Variants in RTN1 observed in about 807,000 individuals in gnomAD.
RTN1 encodes the protein reticulon 1, also known as reticulon-1.
In RTN1, 25 loss-of-function variants were observed where a neutral mutation model predicts 65.5. The observed-to-expected ratio is 0.38, with a 90% confidence interval of 0.28 to 0.53. RTN1 has a LOEUF of 0.53. Among genes scored for constraint, RTN1 ranks in the 20% least tolerant of loss-of-function variants. RTN1 has a pLI of 0.79. For missense variants in RTN1, 983 were observed against 1,025.4 expected, an observed-to-expected ratio of 0.96 and a Z score of 0.57; for synonymous variants, 471 against 447.6, an observed-to-expected ratio of 1.05 and a Z score of -0.66.
chr14:59,750,093 ATT>A (rs1566713077), intron 1 of RTN1, among the ~76,000 whole-genome samples: 2 of 57,602 alleles, frequency 3.5e-5, no homozygotes, highest in South Asian at 3.8e-4. Context: ...AGACATATAT[ATT>A]ATATATTATA....
At position 59,870,661 on chromosome 14, in the gene RTN1, G is replaced by A. The variant is rs771558896; in HGVS notation, c.-31C>T. On this transcript the variant is annotated 5_prime_UTR_variant, in exon 1 of 9. Transcript: ENST00000267484. The surrounding 1 kb of genome is among the most constrained non-coding windows in gnomAD (Gnocchi z 5.1). Reference sequence around the variant, plus strand: ...GCGGTCCCCCGGCGCGGCGACGGCGGCTTGGCTGGGCAGAGGCTCGGTGGC... The same window carrying A: ...GCGGTCCCCCGGCGCGGCGACGGCGACTTGGCTGGGCAGAGGCTCGGTGGC... 2.9e-5 allele frequency: 39 copies of A among 1,347,770 alleles called. 1 individual carries two copies. The East Asian group carries it at 6.6e-4, about 23-fold the overall frequency. 83.5% of individuals were successfully genotyped at this position (1,347,770 alleles called of 1,614,324 possible).
intron 1 of RTN1, among the ~76,000 whole-genome samples, chr14:59,783,706 G>A (rs1290789431): frequency 2.0e-5 from 3 of 152,264 alleles, no homozygotes; most frequent in South Asian, 4.2e-4. Flanking sequence ...AGGGAGTGGG[G>A]CCAGTGTTAC....
intron 3 of RTN1, among the ~76,000 whole-genome samples, chr14:59,666,962 CAAAAA>C (rs146213616): frequency 1.0e-4 from 6 of 60,138 alleles, no homozygotes; most frequent in Admixed American, 4.3e-4. Flanking sequence ...GCCGACCAAC[CAAAAA>C]AAAAAAAAAA....
At position 59,834,018 on chromosome 14, in the gene RTN1, GA is replaced by G. The variant is rs1419987153; in HGVS notation, c.241+36371del. On this transcript the variant is annotated intron_variant, in intron 1 of 8. Coordinates refer to ENST00000267484, the MANE Select transcript of RTN1 (RefSeq NM_021136.3). Reference sequence around the variant, plus strand: ...AGCATATGGTGTTTGCCTAAAGATAGATAGAAAGATCAATGGAACAGAGAGT... The same window carrying G: ...AGCATATGGTGTTTGCCTAAAGATAGTAGAAAGATCAATGGAACAGAGAGT... Among the ~76,000 whole-genome samples, 3 of 152,122 alleles carry G rather than the reference GA, an allele frequency of 2.0e-5. No homozygotes were observed. The East Asian group carries it at 5.8e-4, about 29-fold the overall frequency.
At position 59,727,526 on chromosome 14, in the gene RTN1, G is replaced by A. The variant is rs764538725; in HGVS notation, c.1158C>T (p.Val386=). The part of the protein sequence containing the change: ...PVGQLADRPE[V]KARSGPPTIP... The stretch of plus-strand genomic sequence containing the variant: ...TGGTTGGCGGTCCGGACCTGGCCTT[G>A]ACCTCGGGCCTGTCGGCCAGCTGGC... Residue 386 remains valine, a synonymous_variant, in exon 3 of 9, where the codon GTC becomes GTT. Coordinates refer to ENST00000267484, the MANE Select transcript of RTN1 (RefSeq NM_021136.3). This position sits in a 1 kb window ranked among gnomAD's most constrained non-coding sequence, Gnocchi z 4.2. 9.3e-6 allele frequency: 15 copies of A among 1,607,092 alleles called. No homozygotes were observed. The East Asian group carries it at 3.4e-4, about 36-fold the overall frequency.
chr14:59,768,696 G>A (rs146390964), intron 1 of RTN1, among the ~76,000 whole-genome samples: 204 of 151,592 alleles, frequency 1.3e-3, no homozygotes, highest in African/African-American at 4.6e-3. Flanking sequence ...TGTTCTTTTC[G>A]TTTTATTTAA....
chr14:59,700,580 C>A (rs1370003276), intron 3 of RTN1, among the ~76,000 whole-genome samples: 1 of 152,068 alleles, frequency 6.6e-6, no homozygotes, highest in Admixed American at 6.5e-5. Flanking sequence ...CATTTACGGT[C>A]AATTTATTTT....
At chr14:59,641,379 T>C (rs1449522231) in intron 3 of RTN1, among the ~76,000 whole-genome samples, 1 of 152,168 alleles carries the variant, frequency 6.6e-6, no homozygotes, top group Non-Finnish European at 1.5e-5. Context: ...TATTTATTTG[T>C]TTGTTTTTGA....
rs535086163 is a variant in RTN1, at chr14:59,805,020, T to C, written c.242-58539A>G. Among the ~76,000 whole-genome samples the C allele has an allele frequency of 1.1e-3, 174 of 152,358 alleles. 1 individual carries two copies. Among genetic ancestry groups the C allele is most frequent in the African/African-American group, 3.8e-3 (157 of 41,588 alleles). On this transcript the variant is annotated intron_variant, in intron 1 of 8. Coordinates refer to ENST00000267484, the MANE Select transcript of RTN1 (RefSeq NM_021136.3). ...AGAGAAGGCAAAGGAATTATTCACATGGGGTGATATTCAAACACACCAAAC... is the reference window on the plus strand; with the variant it reads ...AGAGAAGGCAAAGGAATTATTCACACGGGGTGATATTCAAACACACCAAAC...
intron 1 of RTN1, among the ~76,000 whole-genome samples, chr14:59,859,847 T>G (rs1000320531): frequency 6.6e-6 from 1 of 152,148 alleles, no homozygotes; most frequent in African/African-American, 2.4e-5. Flanking sequence ...CCCTAGAGAT[T>G]TGTGGAACTT....
chr14:59,750,040 T>TAA (rs1885413815), intron 1 of RTN1, among the ~76,000 whole-genome samples: 1 of 46,314 alleles, frequency 2.2e-5, no homozygotes, highest in South Asian at 4.5e-4. Flanking sequence ...TATACATATA[T>TAA]TATATATTAT....
chr14:59,749,325 T>TATAA (rs1234979187), intron 1 of RTN1, among the ~76,000 whole-genome samples: 1 of 47,528 alleles, frequency 2.1e-5, no homozygotes, highest in African/African-American at 1.7e-4. Flanking sequence ...TATATCTATA[T>TATAA]ATCTATATAT....
At chr14:59,759,375 C>T (rs766356494) in intron 1 of RTN1, among the ~76,000 whole-genome samples, 6 of 152,056 alleles carry the variant, frequency 3.9e-5, no homozygotes, top group Non-Finnish European at 7.4e-5. Flanking sequence ...GCTGTGTGAC[C>T]CTGGACCGAT....
chr14:59,657,994 G>A (rs985999592), intron 3 of RTN1, among the ~76,000 whole-genome samples: 6 of 152,198 alleles, frequency 3.9e-5, no homozygotes, highest in Non-Finnish European at 5.9e-5. Flanking sequence ...AGATTTCCTG[G>A]CTTGAAATTC....
intron 3 of RTN1, among the ~76,000 whole-genome samples, chr14:59,725,028 C>T (rs1273173348): frequency 6.6e-6 from 1 of 152,082 alleles, no homozygotes; most frequent in African/African-American, 2.4e-5. Context: ...ACTGCCACAC[C>T]CTCCTCTCTA....
At chr14:59,712,047 C>A (rs551788387) in intron 3 of RTN1, among the ~76,000 whole-genome samples, 1 of 152,116 alleles carries the variant, frequency 6.6e-6, no homozygotes, top group African/African-American at 2.4e-5. Context: ...CCCTTTGTAG[C>A]TGAATAAAGG....
rs577127180 is a variant in RTN1, at chr14:59,847,781, G to A, written c.241+22609C>T. Reference sequence around the variant, plus strand: ...TTGGACCCTTCCAGTGATGGAGAACGCCCTGCTTCATGCTACATGCTTTTT... The same window carrying A: ...TTGGACCCTTCCAGTGATGGAGAACACCCTGCTTCATGCTACATGCTTTTT... On this transcript the variant is annotated intron_variant, in intron 1 of 8. Transcript: ENST00000267484. Among the ~76,000 whole-genome samples, 69 of 152,246 alleles carry A rather than the reference G, an allele frequency of 4.5e-4. 2 individuals carry two copies. In the South Asian group the frequency reaches 0.014, roughly 31 times the overall value.
At chr14:59,610,943 A>G (rs984931664) in intron 3 of RTN1, among the ~76,000 whole-genome samples, 1 of 152,192 alleles carries the variant, frequency 6.6e-6, no homozygotes, top group African/African-American at 2.4e-5. Flanking sequence ...ACTGAGCACA[A>G]GAAGACTGCT....
intron 3 of RTN1, chr14:59,610,281 G>A (rs79889367): frequency 0.07 from 42,873 of 609,338 alleles, 1,874 homozygotes; most frequent in Non-Finnish European, 0.088. Context: ...GTGTAGGGTC[G>A]TCTCTTAGCA....
Sources: gnomAD v4.1 joint callset for allele counts (sites outside exome capture counted in the v4.1 genomes callset) on GRCh38, gnomAD v4.1.1 for gene constraint, Gnocchi (gnomAD v3.1) non-coding constraint, MANE v1.5 for transcripts, NCBI Gene and HGNC (gene_info 2026-07-23, HGNC 2026-07-21) for gene names.